Variants in APOB observed in about 807,000 individuals in gnomAD.
APOB encodes the protein apolipoprotein B, also known as apolipoprotein B-100.
A neutral mutation model predicts 314.1 loss-of-function variants in APOB; 153 were observed. The ratio of observed to expected loss-of-function variants is 0.49; its 90% CI spans 0.43 to 0.56. The LOEUF (loss-of-function observed/expected upper bound fraction) is 0.56. Among genes scored for constraint, APOB ranks in the 20% least tolerant of loss-of-function variants. APOB has a pLI of 0.00. For synonymous variants in APOB, 2,087 were observed against 2,036.4 expected (o/e 1.02, Z -0.67); for missense variants, 5,430 against 5,350.7 (o/e 1.01, Z -0.46).
At chr2:21,004,525 A>C (rs1663075920) in intron 27 of APOB, 36 bp downstream of exon 27, 1 of 1,612,644 alleles carries the variant, frequency 6.2e-7, no homozygotes, top group Non-Finnish European at 8.5e-7. Context: ...GAGTTTTCAA[A>C]AGGTATAAGG....
rs72653063 is a variant in APOB at position 21,025,074 on chromosome 2, C to T, written c.2295G>A (p.Leu765=). Residue 765 remains leucine (L), a synonymous_variant, in exon 16 of 29, where the codon TTG becomes TTA. Coordinates refer to ENST00000233242, the MANE Select transcript of APOB (RefSeq NM_000384.3). ...TGGCTTCCGGGACTTCTTTGGATTT[C>T]AAATCTTTAATCAGCTTCTCAACAC... ...MLSVEKLIKD[L]KSKEVPEARA... is the part of the protein sequence containing the mutation. 638 of 1,614,232 alleles carry T rather than the reference C, an allele frequency of 4.0e-4. 2 individuals carry two copies. The African/African-American group carries it at 7.7e-3, about 19-fold the overall frequency.
In APOB at chr2:21,040,191, G is replaced by A. The variant is rs368102105; in HGVS notation, c.383+747C>T. 2.6e-4 allele frequency among the ~76,000 whole-genome samples: 39 copies of A among 152,218 alleles called. No homozygotes were observed. In the East Asian group the frequency reaches 6.6e-3, roughly 26 times the overall value. ...TGTGACTTGCTGTCCCTCACCTTCC[G>A]CCATGATTGTGAGACCTCCCCAGCC... On this transcript the variant is annotated intron_variant, in intron 4 of 28. Coordinates refer to ENST00000233242, the MANE Select transcript of APOB (RefSeq NM_000384.3).
chr2:21,029,596 G>A, intron 12 of APOB, 43 bp downstream of exon 12: 1 of 1,608,704 alleles, frequency 6.2e-7, no homozygotes, highest in Non-Finnish European at 8.5e-7. Flanking sequence ...CCAAATCCTT[G>A]TTAATAAACT....
At position 21,011,554 on chromosome 2, in the gene APOB, T is replaced by C. The variant is rs1485883502; in HGVS notation, c.5314A>G (p.Asn1772Asp). ...TAAAACTTGTCAGAGCTGTAAATGT[T>C]GTCAAGTTTTGAAGAGAAGTCCAGT... The part of the protein sequence containing the change: ...LSLDFSSKLD[N>D]IYSSDKFYKQ... The change falls in exon 26 of 29, where the codon AAC becomes GAC. Residue 1772 changes from asparagine (N) to aspartate (D), a missense_variant. By Grantham distance (23) the Asn-to-Asp change is conservative (BLOSUM62 1). Around this residue, in one of 3 missense-constraint regions of APOB, gnomAD observed 64 missense variants for 99.9 expected, o/e 0.64. Coordinates refer to ENST00000233242, the MANE Select transcript of APOB (RefSeq NM_000384.3). 4 of 1,614,182 alleles carry C rather than the reference T, an allele frequency of 2.5e-6. No individual in the cohort carries two copies. Among genetic ancestry groups the C allele is most frequent in the Non-Finnish European group, 3.4e-6 (4 of 1,180,016 alleles).
At position 21,005,255 on chromosome 2, in the gene APOB, T is replaced by C. The variant is rs781121293; in HGVS notation, c.11613A>G (p.Val3871=). ...AGGAAGGAATGACAATTCCAGCAGGTACAGAGAACTTAATGGAGGGAATCT... is the reference window on the plus strand; with the variant it reads ...AGGAAGGAATGACAATTCCAGCAGGCACAGAGAACTTAATGGAGGGAATCT... ...TIEIPSIKFS[V]PAGIVIPSFQ... Residue 3871 remains valine (V), a synonymous_variant, in exon 26 of 29, where the codon GTA becomes GTG. Transcript: ENST00000233242. The C allele has an allele frequency of 1.9e-6, 3 of 1,614,014 alleles. No individual in the cohort carries two copies. The Admixed American group carries it at 5.0e-5, about 27-fold the overall frequency.
At chr2:21,043,749 G>T (rs1163842352) in intron 1 of APOB, 115 bp downstream of exon 1, 28 of 1,509,832 alleles carry the variant, frequency 1.9e-5, no homozygotes, top group Non-Finnish European at 2.3e-5. Flanking sequence ...CCCCCCACTC[G>T]CCCTGGACCC....
intron 3 of APOB, 70 bp from the exon 4 acceptor site, chr2:21,041,153 G>A: frequency 6.6e-7 from 1 of 1,518,476 alleles, no homozygotes; most frequent in Non-Finnish European, 9.0e-7. Context: ...GAAGCCCAGG[G>A]CTTAATCTCT....
intron 14 of APOB, among the ~76,000 whole-genome samples, chr2:21,027,485 T>C (rs945108290): frequency 3.3e-5 from 5 of 152,128 alleles, no homozygotes; most frequent in Non-Finnish European, 5.9e-5. Context: ...GGCTAATTTT[T>C]TGTATTTTTA....
At position 21,035,663 on chromosome 2, in the gene APOB, A is replaced by G. The variant is rs762286959; in HGVS notation, c.739T>C (p.Tyr247His). The change falls in exon 7 of 29, where the codon TAC becomes CAC. Residue 247 changes from tyrosine to histidine, a missense_variant. By Grantham distance (83) the Tyr-to-His change is moderately conservative. Coordinates refer to ENST00000233242, the MANE Select transcript of APOB (RefSeq NM_000384.3). ...TGCTTCCTCTTAGCGTCCAGTGTGT[A>G]CTGACAGGACTGGCTGCTGCTGATC... The part of the protein sequence containing the change: ...TLISSSQSCQ[Y>H]TLDAKRKHVA... 1 of 1,614,058 alleles carries G rather than the reference A, an allele frequency of 6.2e-7. No individual in the cohort carries two copies. The highest frequency in any genetic ancestry group is 1.1e-5 in the South Asian group (1 of 91,072).
In APOB at chr2:21,008,042, A is replaced by T. The variant is rs778962767; in HGVS notation, c.8826T>A (p.His2942Gln). The T allele has an allele frequency of 6.2e-7, 1 of 1,614,070 alleles. No individual in the cohort carries two copies. The highest frequency in any genetic ancestry group is 8.5e-7 in the Non-Finnish European group (1 of 1,179,952). Residue 2942 changes from histidine (H) to glutamine (Q), a missense_variant, in exon 26 of 29, where the codon CAT (histidine) becomes CAA (glutamine). This residue lies in a region of APOB where 3,281 missense variants were observed against 3,171.0 expected (regional missense o/e 1.03). Transcript: ENST00000233242. ...CTATGGTGAAACTAATTTGTGATTC[A>T]TGTGTTCCCTCATCTGAGAATCTGG... The part of the protein sequence containing the change: ...ACPRFSDEGT[H>Q]ESQISFTIEG...
chr2:21,042,443 T>C lies in APOB; in HGVS notation c.155A>G (p.Tyr52Cys). The change falls in exon 3 of 29, where the codon TAC becomes TGC. Residue 52 changes from tyrosine to cysteine, a missense_variant. By Grantham distance (194) the Tyr-to-Cys change is radical. This residue lies in a region of APOB where 2,085 missense variants were observed against 2,079.7 expected (regional missense o/e 1.00). Coordinates refer to ENST00000233242, the MANE Select transcript of APOB (RefSeq NM_000384.3). ...DATRFKHLRK[Y>C]TYNYEAESSS... Reference sequence around the variant, plus strand: ...ACTCTCAGCCTCATAGTTGTATGTGTACTTCCGGAGGTGCTTGAATCGGGT... The same window carrying C: ...ACTCTCAGCCTCATAGTTGTATGTGCACTTCCGGAGGTGCTTGAATCGGGT... 2.5e-6 allele frequency: 4 copies of C among 1,614,184 alleles called. No homozygotes were observed. Among genetic ancestry groups the C allele is most frequent in the Non-Finnish European group, 3.4e-6 (4 of 1,180,030 alleles).
chr2:21,033,751 C>T (rs1414760507), intron 8 of APOB, among the ~76,000 whole-genome samples: 2 of 152,188 alleles, frequency 1.3e-5, no homozygotes, highest in Non-Finnish European at 2.9e-5. Context: ...ATAAATTCAG[C>T]CCTGCTTCTG....
intron 4 of APOB, among the ~76,000 whole-genome samples, chr2:21,040,359 A>G (rs1248951562): frequency 6.6e-6 from 1 of 152,224 alleles, no homozygotes; most frequent in Non-Finnish European, 1.5e-5. Context: ...GCCTGTATTC[A>G]TACACACCTA....
Position 21,012,331 on chromosome 2 carries a change from G to A in APOB, c.4537C>T (p.Arg1513Trp), listed in dbSNP as rs139621265. 25 of 1,614,020 alleles carry A rather than the reference G, an allele frequency of 1.5e-5. 1 individual carries two copies. The highest frequency in any genetic ancestry group is 7.7e-5 in the South Asian group (7 of 91,072). Residue 1513 changes from arginine (R) to tryptophan (W), a missense_variant, in exon 26 of 29, where the codon CGG (arginine) becomes TGG (tryptophan). Physicochemically the swap from Arg to Trp is moderately radical, Grantham distance 101. Transcript: ENST00000233242. ...CTCAGGTTGGACTCTCCATTGAGCC[G>A]GCCAGTGTTAGGATCCCTCTGACAA... Reference protein sequence around the residue: ...LSCQRDPNTGRLNGESNLRFN... With the variant: ...LSCQRDPNTGWLNGESNLRFN...
chr2:21,002,959 G>T lies in APOB; in HGVS notation c.12463C>A (p.Leu4155Met), dbSNP rs1273085584. The T allele has an allele frequency of 6.2e-7, 1 of 1,608,942 alleles. No homozygotes were observed. Among genetic ancestry groups the T allele is most frequent in the Non-Finnish European group, 8.5e-7 (1 of 1,177,216 alleles). Reference sequence around the variant, plus strand: ...CTGGCTTGGCCTTCCTGAGTCAACAGTTCCTGGTACAGATTCTGGGCCTTG... The same window carrying T: ...CTGGCTTGGCCTTCCTGAGTCAACATTTCCTGGTACAGATTCTGGGCCTTG... The part of the protein sequence containing the change: ...KDKAQNLYQE[L>M]LTQEGQASFQ... The change falls in exon 29 of 29, where the codon CTG (leucine) becomes ATG (methionine). Residue 4155 changes from leucine to methionine, a missense_variant. Leu to Met is a conservative substitution (Grantham distance 15). Coordinates refer to ENST00000233242, the MANE Select transcript of APOB (RefSeq NM_000384.3).
chr2:21,042,472 A>G lies in APOB; in HGVS notation c.126T>C (p.Asp42=), dbSNP rs965256806. ...TCCGGAGGTGCTTGAATCGGGTCGC[A>G]TCTTCTAACGTGGGGAGAAATACGT... ...LENVSLVCPK[D]ATRFKHLRKY... Residue 42 remains aspartate (D), a synonymous_variant, in exon 3 of 29, where the codon GAT becomes GAC. Transcript: ENST00000233242. The G allele has an allele frequency of 6.2e-7, 1 of 1,613,742 alleles. No individual in the cohort carries two copies. Among genetic ancestry groups the G allele is most frequent in the Non-Finnish European group, 8.5e-7 (1 of 1,179,722 alleles).
intron 3 of APOB, among the ~76,000 whole-genome samples, chr2:21,042,156 G>A (rs373631676): frequency 6.6e-6 from 1 of 152,172 alleles, no homozygotes; most frequent in Non-Finnish European, 1.5e-5. Flanking sequence ...GCGAAATTTG[G>A]TGGGGGCAGA....
Position 21,043,899 on chromosome 2 carries a change from G to T in APOB, c.47C>A (p.Ala16Glu). 2 of 1,428,818 alleles carry T rather than the reference G, an allele frequency of 1.4e-6. No individual in the cohort carries two copies. The highest frequency in any genetic ancestry group is 1.8e-6 in the Non-Finnish European group (2 of 1,093,608). The allele number at this position is 1,428,818 out of a possible 1,614,324, so 88.5% of individuals were successfully genotyped here. A position where few individuals can be genotyped will look rare whatever the true frequency, so the allele number is the denominator to read the frequency against. ...GCCCGCCAGCAGCAGCAGCAGCAGC[G>T]CAGGCAGCGCCAGCAGCGCCAGCAG... The part of the protein sequence containing the change: ...PALLALLALP[A>E]LLLLLLAGAR... Residue 16 changes from alanine (A) to glutamate (E), a missense_variant, in exon 1 of 29, where the codon GCG (alanine) becomes GAG (glutamate). Transcript: ENST00000233242.
In APOB at chr2:21,034,542, G is replaced by C. The variant is rs78652877; in HGVS notation, c.904+274C>G. 5.7e-3 allele frequency among the ~76,000 whole-genome samples: 868 copies of C among 152,302 alleles called. 9 individuals are homozygous for C. Among genetic ancestry groups the C allele is most frequent in the African/African-American group, 0.02 (822 of 41,580 alleles). Reference sequence around the variant, plus strand: ...AGCTCTGGATCTTATCACAGGATGGGTGATGTCAGTTCTATCAAATATGTC... The same window carrying C: ...AGCTCTGGATCTTATCACAGGATGGCTGATGTCAGTTCTATCAAATATGTC... On this transcript the variant is annotated intron_variant, in intron 8 of 28. Coordinates refer to ENST00000233242, the MANE Select transcript of APOB (RefSeq NM_000384.3).
Sources: allele counts gnomAD v4.1 joint callset (sites outside exome capture counted in the v4.1 genomes callset), GRCh38; gene constraint gnomAD v4.1.1; regional missense constraint gnomAD v4.1.1; transcripts MANE v1.5; gene names NCBI Gene and HGNC (gene_info 2026-07-23, HGNC 2026-07-21).